Variants in BICC1 observed in about 807,000 individuals in gnomAD.
BICC1 encodes protein bicaudal C homolog 1.
Under a neutral mutation model 111.0 loss-of-function variants are expected in BICC1, and 43 were observed. That is an observed-to-expected ratio of 0.39 (90% CI 0.30 to 0.50). BICC1 has a LOEUF of 0.50. Among genes scored for constraint, BICC1 ranks in the 20% least tolerant of loss-of-function variants. The pLI is 0.88. For missense variants in BICC1, 1,091 were observed against 1,203.2 expected (o/e 0.91, Z 1.38); for synonymous variants, 467 against 434.4 (o/e 1.07, Z -0.93).
intron 1 of BICC1, among the ~76,000 whole-genome samples, chr10:58,567,422 GTGTCTTTTAGGGGATATATATA>G (rs1370546283): frequency 6.6e-6 from 1 of 151,792 alleles, no homozygotes; most frequent in Non-Finnish European, 1.5e-5. Flanking sequence ...ATATATGTGT[GTGTCTTTTAGGGGATATATATA>G]TGTCTTTTAG....
At chr10:58,638,477 T>G (rs1838016828) in intron 2 of BICC1, among the ~76,000 whole-genome samples, 1 of 152,224 alleles carries the variant, frequency 6.6e-6, no homozygotes, top group African/African-American at 2.4e-5. Flanking sequence ...CTTTGCTTTC[T>G]CCCTGTCTCA....
intron 4 of BICC1, 52 bp from the exon 5 acceptor site, chr10:58,786,871 G>A: frequency 7.3e-7 from 1 of 1,368,042 alleles, no homozygotes; most frequent in Non-Finnish European, 9.7e-7. Flanking sequence ...CATTTAGGAG[G>A]TCATTCTTTC....
At chr10:58,650,040 G>A (rs1018844098) in intron 2 of BICC1, 1 of 152,132 alleles carries the variant, frequency 6.6e-6, no homozygotes, top group African/African-American at 2.4e-5. Context: ...AACATTTCAT[G>A]AAACAATACT....
At chr10:58,775,154 C>T (rs777013785) in intron 3 of BICC1, among the ~76,000 whole-genome samples, 1 of 152,114 alleles carries the variant, frequency 6.6e-6, no homozygotes, top group Non-Finnish European at 1.5e-5. Context: ...GGGAGGATCA[C>T]TTAAGGCCAG....
chr10:58,814,867 G>A (rs955254235), intron 18 of BICC1, among the ~76,000 whole-genome samples: 11 of 152,048 alleles, frequency 7.2e-5, no homozygotes, highest in East Asian at 1.9e-4. Flanking sequence ...ACTGTCCAGC[G>A]GGTGGCTACT....
chr10:58,755,561 C>G (rs1842120814), intron 3 of BICC1, among the ~76,000 whole-genome samples: 2 of 152,218 alleles, frequency 1.3e-5, no homozygotes, highest in African/African-American at 4.8e-5. Flanking sequence ...CTGAAATCTT[C>G]AGAAAAAGTT....
At chr10:58,687,107 C>T (rs1839757858) in intron 2 of BICC1, among the ~76,000 whole-genome samples, 1 of 152,350 alleles carries the variant, frequency 6.6e-6, no homozygotes, top group African/African-American at 2.4e-5. Context: ...GGACCCTCAG[C>T]TGCAGGTCTG....
chr10:58,706,954 G>A (rs1840403795), intron 3 of BICC1, among the ~76,000 whole-genome samples: 1 of 152,208 alleles, frequency 6.6e-6, no homozygotes, highest in South Asian at 2.1e-4. Flanking sequence ...CAGCATGAGT[G>A]AAGCTTTATT....
intron 3 of BICC1, among the ~76,000 whole-genome samples, chr10:58,705,523 C>T (rs1191105615): frequency 6.6e-6 from 1 of 152,134 alleles, no homozygotes; most frequent in Admixed American, 6.5e-5. Context: ...TTTCCTCCTC[C>T]CTTTCTTATC....
chr10:58,663,031 G>T (rs1838891047), intron 2 of BICC1, among the ~76,000 whole-genome samples: 1 of 150,548 alleles, frequency 6.6e-6, no homozygotes. Flanking sequence ...AGTTGGCTTT[G>T]AACATCCAAT....
intron 14 of BICC1, among the ~76,000 whole-genome samples, chr10:58,801,263 T>C (rs956576800): frequency 2.6e-5 from 4 of 152,180 alleles, no homozygotes; most frequent in Non-Finnish European, 5.9e-5. Context: ...AATGAATTGA[T>C]TTATATCTGT....
chr10:58,660,349 T>G (rs1298831399), intron 2 of BICC1, among the ~76,000 whole-genome samples: 1 of 152,108 alleles, frequency 6.6e-6, no homozygotes, highest in East Asian at 1.9e-4. Flanking sequence ...CCTAAAATCA[T>G]TTCTCCAGCA....
chr10:58,625,793 A>G (rs560016639), intron 2 of BICC1, among the ~76,000 whole-genome samples: 5 of 152,200 alleles, frequency 3.3e-5, no homozygotes, highest in Admixed American at 2.0e-4. Flanking sequence ...AAATGGGTGC[A>G]TTAGATGGTC....
At chr10:58,742,431 ATTTTTTTTT>A (rs554670544) in intron 3 of BICC1, among the ~76,000 whole-genome samples, 20 of 94,166 alleles carry the variant, frequency 2.1e-4, no homozygotes, top group East Asian at 5.8e-4. Context: ...GTATGCTTTA[ATTTTTTTTT>A]TTTTTTTTTT....
chr10:58,773,181 A>C (rs1842664605), intron 3 of BICC1, among the ~76,000 whole-genome samples: 1 of 152,212 alleles, frequency 6.6e-6, no homozygotes, highest in Non-Finnish European at 1.5e-5. Context: ...TTTTCTAAAA[A>C]AGTGTATGCT....
At chr10:58,706,718 G>A (rs56994929) in intron 3 of BICC1, among the ~76,000 whole-genome samples, 2 of 151,994 alleles carry the variant, frequency 1.3e-5, no homozygotes, top group South Asian at 2.1e-4. Flanking sequence ...TCCTTCCCAC[G>A]CCCTCTCTCC....
At chr10:58,685,723 A>C (rs1405222995) in intron 2 of BICC1, among the ~76,000 whole-genome samples, 10 of 151,998 alleles carry the variant, frequency 6.6e-5, no homozygotes. Context: ...TGCTTGGTAG[A>C]TCTCCCTCCA....
chr10:58,629,725 T>G (rs1837736404), intron 2 of BICC1, among the ~76,000 whole-genome samples: 2 of 152,184 alleles, frequency 1.3e-5, no homozygotes, highest in African/African-American at 4.8e-5. Context: ...TTTGTTGTCA[T>G]CTCATGAATC....
intron 1 of BICC1, among the ~76,000 whole-genome samples, chr10:58,575,739 A>G (rs534944097): frequency 6.6e-6 from 1 of 152,192 alleles, no homozygotes; most frequent in Admixed American, 6.5e-5. Flanking sequence ...CAGTTTTTAA[A>G]TGAGAGTCTT....
Sources: allele counts gnomAD v4.1 joint callset (sites outside exome capture counted in the v4.1 genomes callset), GRCh38; gene constraint gnomAD v4.1.1; transcripts MANE v1.5; gene names NCBI Gene and HGNC (gene_info 2026-07-23, HGNC 2026-07-21).